Variants in TNFSF4 observed in about 807,000 individuals in gnomAD.
TNFSF4 encodes the protein TNF superfamily member 4.
In TNFSF4, 4 loss-of-function variants were observed where a neutral mutation model predicts 7.3. That is an observed-to-expected ratio of 0.55 (90% CI 0.27 to 1.25). The LOEUF (loss-of-function observed/expected upper bound fraction) is 1.25, where lower values mean the gene tolerates loss of function less well. TNFSF4 is among the 50% of genes most tolerant of loss of function. The probability of loss-of-function intolerance (pLI) is 0.12; values close to 1 mark genes in which losing one functional copy is unlikely to be tolerated. For missense variants in TNFSF4, 181 were observed against 208.8 expected (o/e 0.87, Z 0.82); for synonymous variants, 76 against 83.7 (o/e 0.91, Z 0.50).
chr1:173,417,201 G>A, the TNFSF4 span, among the ~76,000 whole-genome samples: 1 of 152,176 alleles, frequency 6.6e-6, no homozygotes, highest in African/African-American at 2.4e-5. Flanking sequence ...GAGACACCTC[G>A]GTTTGGGGCC....
the TNFSF4 span, among the ~76,000 whole-genome samples, chr1:173,443,965 G>C: frequency 3.3e-5 from 5 of 152,126 alleles, no homozygotes; most frequent in Non-Finnish European, 7.3e-5. Context: ...TTAGCCTATA[G>C]TCTTTGTTGC....
chr1:173,237,237 T>G, the TNFSF4 span, among the ~76,000 whole-genome samples: 1 of 152,346 alleles, frequency 6.6e-6, no homozygotes, highest in Admixed American at 6.5e-5. Context: ...TGTGTCTTTA[T>G]TAGCAGCGTG....
At chr1:173,187,061 AAAAAAG>A (rs1279447145) in intron 2 of TNFSF4, among the ~76,000 whole-genome samples, 196 bp from the exon 3 acceptor site, 3 of 152,064 alleles carry the variant, frequency 2.0e-5, no homozygotes, top group Non-Finnish European at 4.4e-5. Context: ...AAACAAAAAA[AAAAAAG>A]AAAAAGGAGT....
the TNFSF4 span, among the ~76,000 whole-genome samples, chr1:173,403,660 T>C: frequency 6.6e-6 from 1 of 152,188 alleles, no homozygotes; most frequent in Non-Finnish European, 1.5e-5. Context: ...TCCCAGCACT[T>C]TGGGAGGCCA....
the TNFSF4 span, chr1:173,363,060 A>G: frequency 2.7e-6 from 1 of 363,636 alleles, no homozygotes; most frequent in Non-Finnish European, 5.5e-6. Context: ...TCTGTAACTT[A>G]GCTGCCTTAG....
At chr1:173,257,652 C>T in the TNFSF4 span, among the ~76,000 whole-genome samples, 1 of 152,166 alleles carries the variant, frequency 6.6e-6, no homozygotes, top group Admixed American at 6.5e-5. Context: ...GGGAGACATG[C>T]AGAGGGCAAG....
At chr1:173,380,783 C>G in the TNFSF4 span, among the ~76,000 whole-genome samples, 17 of 152,254 alleles carry the variant, frequency 1.1e-4, no homozygotes, top group East Asian at 2.9e-3. Flanking sequence ...CCCACCGGAG[C>G]TACCTTGGCA....
chr1:173,389,793 C>T, the TNFSF4 span, among the ~76,000 whole-genome samples: 1 of 152,088 alleles, frequency 6.6e-6, no homozygotes, highest in Non-Finnish European at 1.5e-5. Flanking sequence ...ATAACTCTTC[C>T]TTTGAGTTTC....
At chr1:173,304,514 T>C in the TNFSF4 span, among the ~76,000 whole-genome samples, 2 of 151,996 alleles carry the variant, frequency 1.3e-5, no homozygotes, top group African/African-American at 2.4e-5. Flanking sequence ...GTGTTCACCA[T>C]TGTTAAGGCA....
the TNFSF4 span, among the ~76,000 whole-genome samples, chr1:173,354,305 T>G: frequency 2.0e-5 from 3 of 152,080 alleles, no homozygotes; most frequent in Admixed American, 6.5e-5. Flanking sequence ...ACATTGAATC[T>G]CTGAACAGAC....
the TNFSF4 span, among the ~76,000 whole-genome samples, chr1:173,347,631 T>C: frequency 3.9e-5 from 6 of 152,230 alleles, no homozygotes; most frequent in Non-Finnish European, 1.5e-5. Context: ...AATCATTTTA[T>C]TTTATGCAGA....
chr1:173,259,269 TG>T, the TNFSF4 span, among the ~76,000 whole-genome samples: 1 of 151,934 alleles, frequency 6.6e-6, no homozygotes, highest in Non-Finnish European at 1.5e-5. Context: ...AAGAAGGGCT[TG>T]ACTGTTAAAA....
the TNFSF4 span, among the ~76,000 whole-genome samples, chr1:173,239,341 C>G: frequency 6.6e-6 from 1 of 152,088 alleles, no homozygotes; most frequent in Non-Finnish European, 1.5e-5. Context: ...GAAAAACTCC[C>G]TCTATATTTG....
chr1:173,187,769 C>T (rs1165980575), intron 2 of TNFSF4, among the ~76,000 whole-genome samples: 1 of 152,202 alleles, frequency 6.6e-6, no homozygotes, highest in Non-Finnish European at 1.5e-5. Context: ...AAAGCCTGAA[C>T]TTCTTTTATT....
downstream of TNFSF4, among the ~76,000 whole-genome samples, chr1:173,180,493 G>A (rs909008061): frequency 6.6e-6 from 1 of 152,022 alleles, no homozygotes; most frequent in African/African-American, 2.4e-5. Flanking sequence ...TCTGTCTCAG[G>A]TCTCCTTATG....
At chr1:173,340,194 G>A in the TNFSF4 span, among the ~76,000 whole-genome samples, 1 of 152,012 alleles carries the variant, frequency 6.6e-6, no homozygotes, top group Non-Finnish European at 1.5e-5. Context: ...CCCAGGTCTC[G>A]AGCCTAGTAT....
the TNFSF4 span, among the ~76,000 whole-genome samples, chr1:173,406,512 T>G: frequency 6.6e-6 from 1 of 152,200 alleles, no homozygotes; most frequent in Non-Finnish European, 1.5e-5. Flanking sequence ...ACTTTTGCCT[T>G]CATGGACCCC....
At chr1:173,313,176 T>C in the TNFSF4 span, among the ~76,000 whole-genome samples, 5 of 152,140 alleles carry the variant, frequency 3.3e-5, no homozygotes, top group Non-Finnish European at 7.4e-5. Flanking sequence ...ACATAAAAGA[T>C]CTTGATACAT....
chr1:173,240,886 A>G, the TNFSF4 span, among the ~76,000 whole-genome samples: 1 of 152,150 alleles, frequency 6.6e-6, no homozygotes, highest in Non-Finnish European at 1.5e-5. Flanking sequence ...GTAAAGTAGT[A>G]TTGTTATTTT....
Sources: allele counts gnomAD v4.1 joint callset (sites outside exome capture counted in the v4.1 genomes callset), GRCh38; gene constraint gnomAD v4.1.1; transcripts MANE v1.5; gene names NCBI Gene and HGNC (gene_info 2026-07-23, HGNC 2026-07-21).